SLC9B2: variants seen among roughly 807,000 people sequenced by gnomAD.
The protein encoded by SLC9B2 is solute carrier family 9 member B2, also known as sodium/hydrogen exchanger 9B2.
SLC9B2 carries 39 observed loss-of-function variants against 52.2 expected under a neutral mutation model. The ratio of observed to expected loss-of-function variants is 0.75; its 90% confidence interval spans 0.58 to 0.98. The LOEUF (loss-of-function observed/expected upper bound fraction) is 0.98, where lower values mean the gene tolerates loss of function less well. Ranked by LOEUF, SLC9B2 falls within the 50% of genes least tolerant of loss-of-function variation. The probability of loss-of-function intolerance (pLI) is 0.00; values close to 1 mark genes in which losing one functional copy is unlikely to be tolerated. For synonymous variants in SLC9B2, 214 were observed against 227.0 expected (o/e 0.94, Z 0.51); for missense variants, 626 against 637.5 (o/e 0.98, Z 0.19).
chr4:103,027,501 T>C (rs1459448390), intron 11 of SLC9B2, among the ~76,000 whole-genome samples: 1 of 152,130 alleles, frequency 6.6e-6, no homozygotes, highest in Non-Finnish European at 1.5e-5. Flanking sequence ...TTGGAAAACA[T>C]TATGAAAATT....
intron 9 of SLC9B2, 139 bp from the exon 10 acceptor site, chr4:103,031,947 G>A: frequency 2.7e-6 from 2 of 738,066 alleles, no homozygotes; most frequent in African/African-American, 1.8e-5. Context: ...AGGTTAGCTA[G>A]AACAGAGCAA....
chr4:103,050,208 C>G, intron 5 of SLC9B2, 32 bp downstream of exon 5: 4 of 1,523,804 alleles, frequency 2.6e-6, no homozygotes, highest in Non-Finnish European at 3.5e-6. Flanking sequence ...AACAAGATTC[C>G]TATTTAATAA....
intron 8 of SLC9B2, among the ~76,000 whole-genome samples, chr4:103,044,300 A>G (rs1284935034): frequency 6.6e-6 from 1 of 152,190 alleles, no homozygotes; most frequent in East Asian, 1.9e-4. Context: ...GTTTTCCAAT[A>G]GAATGTTTAG....
intron 3 of SLC9B2, among the ~76,000 whole-genome samples, chr4:103,062,146 C>T (rs780361150): frequency 1.2e-4 from 19 of 152,292 alleles, no homozygotes; most frequent in African/African-American, 3.8e-4. Flanking sequence ...TTCGGCTGGG[C>T]GCAGTGGCTC....
chr4:103,025,971 A>G lies in SLC9B2; in HGVS notation c.*399T>C, dbSNP rs963193010. On this transcript the variant is annotated 3_prime_UTR_variant, in exon 12 of 12. Coordinates refer to ENST00000394785, the MANE Select transcript of SLC9B2 (RefSeq NM_178833.7). Reference sequence around the variant, plus strand: ...AACAACAAAAACAGATCCAAAAAAGAGAGCCAAAACCAATTCAAGGCATCA... The same window carrying G: ...AACAACAAAAACAGATCCAAAAAAGGGAGCCAAAACCAATTCAAGGCATCA... 1 of 156,358 alleles carries G rather than the reference A, an allele frequency of 6.4e-6. No homozygotes were observed. Among genetic ancestry groups the G allele is most frequent in the African/African-American group, 2.4e-5 (1 of 41,596 alleles). The allele number at this position is 156,358 out of a possible 1,614,324, so 9.7% of individuals were successfully genotyped here.
chr4:103,072,151 C>T (rs1459004022), intron 1 of SLC9B2, among the ~76,000 whole-genome samples: 4 of 148,912 alleles, frequency 2.7e-5, no homozygotes, highest in Admixed American at 6.7e-5. Context: ...CTCTGCCTTC[C>T]GGTTTCAAGC....
At chr4:103,060,221 C>T (rs780559143) in intron 3 of SLC9B2, among the ~76,000 whole-genome samples, 3 of 151,530 alleles carry the variant, frequency 2.0e-5, no homozygotes, top group Non-Finnish European at 4.4e-5. Flanking sequence ...CCCTAGTTTT[C>T]GTATCTTTCA....
chr4:103,058,909 A>G (rs992857487), intron 3 of SLC9B2, among the ~76,000 whole-genome samples: 13 of 152,078 alleles, frequency 8.5e-5, no homozygotes, highest in Non-Finnish European at 1.6e-4. Context: ...TAAATATAAA[A>G]TATAAAAATT....
chr4:103,076,060 T>C (rs1747114408), intron 1 of SLC9B2, 124 bp downstream of exon 1: 1 of 152,242 alleles, frequency 6.6e-6, no homozygotes, highest in African/African-American at 2.4e-5. Context: ...CACGCGCCCG[T>C]CACCGGGTGT....
intron 4 of SLC9B2, among the ~76,000 whole-genome samples, chr4:103,051,036 AT>A (rs1744630530): frequency 6.6e-6 from 1 of 152,156 alleles, no homozygotes; most frequent in Admixed American, 6.5e-5. Context: ...GACAATACCA[AT>A]TTTATGAAGG....
At chr4:103,043,977 T>G (rs1743873474) in intron 8 of SLC9B2, among the ~76,000 whole-genome samples, 1 of 152,226 alleles carries the variant, frequency 6.6e-6, no homozygotes, top group African/African-American at 2.4e-5. Context: ...GGTTCTAGAC[T>G]GACAGTAGTT....
At chr4:103,049,840 C>T (rs574181026) in intron 5 of SLC9B2, among the ~76,000 whole-genome samples, 6 of 152,086 alleles carry the variant, frequency 3.9e-5, no homozygotes, top group South Asian at 4.1e-4. Flanking sequence ...GGCAAAACCC[C>T]GTCTCTACTA....
chr4:103,021,078 T>G (rs561329202), downstream of SLC9B2, among the ~76,000 whole-genome samples: 1 of 152,212 alleles, frequency 6.6e-6, no homozygotes, highest in Non-Finnish European at 1.5e-5. Flanking sequence ...AGGAAATGTT[T>G]TGTACTCACA....
At chr4:103,062,318 C>T (rs1016791223) in intron 3 of SLC9B2, among the ~76,000 whole-genome samples, 49 of 151,490 alleles carry the variant, frequency 3.2e-4, no homozygotes, top group African/African-American at 1.1e-3. Flanking sequence ...ATTCAGGAGG[C>T]TGAGGAAGGA....
intron 1 of SLC9B2, among the ~76,000 whole-genome samples, chr4:103,070,221 C>T (rs545564969): frequency 6.6e-6 from 1 of 152,228 alleles, no homozygotes; most frequent in Non-Finnish European, 1.5e-5. Flanking sequence ...CTTCAGGAAC[C>T]TACTTAAATT....
intron 3 of SLC9B2, among the ~76,000 whole-genome samples, chr4:103,062,699 C>T (rs1745773762): frequency 6.6e-6 from 1 of 152,192 alleles, no homozygotes; most frequent in South Asian, 2.1e-4. Context: ...CAACCTCCGC[C>T]TCCCAGGTTC....
At chr4:103,041,827 C>T (rs1327546814) in intron 9 of SLC9B2, among the ~76,000 whole-genome samples, 2 of 152,080 alleles carry the variant, frequency 1.3e-5, no homozygotes, top group African/African-American at 4.8e-5. Context: ...ATCTCCGTGC[C>T]ATTTTCTAAT....
At chr4:103,058,100 TAA>T (rs1408829343) in intron 3 of SLC9B2, 129 bp from the exon 4 acceptor site, 1 of 889,214 alleles carries the variant, frequency 1.1e-6, no homozygotes, top group Non-Finnish European at 1.7e-6. Flanking sequence ...GTTTAATCTG[TAA>T]AGAGTATCAG....
At chr4:103,039,936 G>A (rs1266949554) in intron 9 of SLC9B2, among the ~76,000 whole-genome samples, 6 of 151,870 alleles carry the variant, frequency 4.0e-5, no homozygotes, top group East Asian at 1.9e-4. Context: ...GTGAGCCACC[G>A]CACCCAGCCT....
Sources: gnomAD v4.1 joint callset for allele counts (sites outside exome capture counted in the v4.1 genomes callset) on GRCh38, gnomAD v4.1.1 for gene constraint, MANE v1.5 for transcripts, NCBI Gene and HGNC (gene_info 2026-07-23, HGNC 2026-07-21) for gene names.